MSH4: variants seen among roughly 807,000 people sequenced by gnomAD.
MSH4 encodes the protein mutS homolog 4.
MSH4 carries 106 observed loss-of-function variants against 113.7 expected under a neutral mutation model. That is an observed-to-expected ratio of 0.93 (90% CI 0.80 to 1.10). The LOEUF (loss-of-function observed/expected upper bound fraction) is 1.10. MSH4 is among the 50% of genes least tolerant of loss of function. The probability of loss-of-function intolerance (pLI) is 0.00; values close to 1 mark genes in which losing one functional copy is unlikely to be tolerated. For missense variants in MSH4, 1,061 were observed against 1,093.7 expected (o/e 0.97, Z 0.42); for synonymous variants, 368 against 380.2 (o/e 0.97, Z 0.37).
chr1:75,815,036 A>G lies in MSH4; in HGVS notation c.715A>G (p.Thr239Ala), dbSNP rs371232695. 6.3e-6 allele frequency: 10 copies of G among 1,584,622 alleles called. No homozygotes were observed. Among genetic ancestry groups the G allele is most frequent in the African/African-American group, 5.4e-5 (4 of 74,046 alleles). ...TTCTTTTCAGAATGTTAATTTCACT[A>G]CTATCCAAAGGAAATACTTCAATGA... ...TENFKNVNFT[T>A]IQRKYFNETK... Residue 239 changes from threonine to alanine, a missense_variant, in exon 5 of 20, where the codon ACT (threonine) becomes GCT (alanine). Thr to Ala is a moderately conservative substitution (Grantham distance 58). Transcript: ENST00000263187.
chr1:75,905,300 C>T (rs1652600398), intron 19 of MSH4, among the ~76,000 whole-genome samples: 2 of 148,698 alleles, frequency 1.3e-5, no homozygotes, highest in Non-Finnish European at 3.0e-5. Flanking sequence ...CGTTATTGAC[C>T]CATTGATTGT....
In MSH4 at chr1:75,889,292, A is replaced by G. The variant is rs1344893027; in HGVS notation, c.2149A>G (p.Lys717Glu). The change falls in exon 16 of 20, where the codon AAA becomes GAA. Residue 717 changes from lysine (K) to glutamate (E), a missense_variant. Transcript: ENST00000263187. Reference protein sequence around the residue: ...PAEYSSFRIAKQIFTRISTDD... With the variant: ...PAEYSSFRIAEQIFTRISTDD... Reference sequence around the variant, plus strand: ...AGAATATTCTTCCTTTAGAATTGCTAAACAGATTTTTACAAGAATTAGTAC... The same window carrying G: ...AGAATATTCTTCCTTTAGAATTGCTGAACAGATTTTTACAAGAATTAGTAC... 1.3e-6 allele frequency: 2 copies of G among 1,537,364 alleles called. No individual in the cohort carries two copies. The highest frequency in any genetic ancestry group is 1.2e-5 in the South Asian group (1 of 85,358).
chr1:75,822,494 C>T lies in MSH4; in HGVS notation c.1075C>T (p.Leu359=). 1.3e-6 allele frequency: 2 copies of T among 1,583,116 alleles called. No individual in the cohort carries two copies. Among genetic ancestry groups the T allele is most frequent in the Non-Finnish European group, 8.6e-7 (1 of 1,165,582 alleles). The change falls in exon 7 of 20, where the codon CTA becomes TTA. Residue 359 remains leucine, a synonymous_variant. Coordinates refer to ENST00000263187, the MANE Select transcript of MSH4 (RefSeq NM_002440.4). ...RRLRSNILEP[L]VDIETINMRL... ...ACTTCGTTCTAATATATTAGAGCCTCTAGTTGATATTGAAACCATTAACAT... is the reference window on the plus strand; with the variant it reads ...ACTTCGTTCTAATATATTAGAGCCTTTAGTTGATATTGAAACCATTAACAT...
chr1:75,867,786 A>G (rs1425413875), intron 9 of MSH4, among the ~76,000 whole-genome samples, 198 bp downstream of exon 9: 1 of 152,114 alleles, frequency 6.6e-6, no homozygotes, highest in East Asian at 1.9e-4. Flanking sequence ...AATAAATTGC[A>G]GCACCTAAGT....
At chr1:75,909,528 T>A (rs1340705505) in intron 19 of MSH4, among the ~76,000 whole-genome samples, 1 of 151,724 alleles carries the variant, frequency 6.6e-6, no homozygotes, top group Non-Finnish European at 1.5e-5. Context: ...AACGTGCAGG[T>A]TTGTTACATA....
chr1:75,825,643 T>C (rs1340208691), intron 7 of MSH4, among the ~76,000 whole-genome samples: 2 of 152,210 alleles, frequency 1.3e-5, no homozygotes, highest in South Asian at 2.1e-4. Context: ...GTTCCATCAA[T>C]ACCTAGTTTA....
At chr1:75,858,814 T>C (rs1651383016) in intron 8 of MSH4, among the ~76,000 whole-genome samples, 1 of 152,226 alleles carries the variant, frequency 6.6e-6, no homozygotes. Context: ...TCTTTTTCTA[T>C]TGATCGGAAT....
Position 75,834,863 on chromosome 1 carries a change from G to A in MSH4, c.1162+12282G>A, listed in dbSNP as rs146464004. Among the ~76,000 whole-genome samples the A allele has an allele frequency of 6.2e-3, 949 of 152,272 alleles. 9 individuals carry two copies. Among genetic ancestry groups the A allele is most frequent in the African/African-American group, 0.022 (900 of 41,548 alleles). The stretch of plus-strand genomic sequence containing the variant: ...GGTGCAGCACACCAACATGGCACAT[G>A]TATACATATGTAACAAACCTGCACG... On this transcript the variant is annotated intron_variant, in intron 7 of 19. Coordinates refer to ENST00000263187, the MANE Select transcript of MSH4 (RefSeq NM_002440.4).
intron 8 of MSH4, among the ~76,000 whole-genome samples, chr1:75,857,464 A>G (rs532696616): frequency 6.6e-6 from 1 of 152,268 alleles, no homozygotes; most frequent in East Asian, 1.9e-4. Context: ...TTATTTTTGT[A>G]TAAGGTGTAA....
intron 7 of MSH4, among the ~76,000 whole-genome samples, chr1:75,829,326 C>T (rs1406580109): frequency 2.0e-5 from 3 of 152,188 alleles, no homozygotes; most frequent in Non-Finnish European, 4.4e-5. Flanking sequence ...CTCAAGGAGG[C>T]CTGCCTTGCC....
intron 7 of MSH4, among the ~76,000 whole-genome samples, chr1:75,831,147 T>C (rs1041709470): frequency 1.3e-5 from 2 of 152,118 alleles, no homozygotes; most frequent in African/African-American, 4.8e-5. Flanking sequence ...TCCTAGTCTC[T>C]GATAAAACAG....
chr1:75,906,804 GT>G (rs1652667054), intron 19 of MSH4, among the ~76,000 whole-genome samples: 1 of 146,656 alleles, frequency 6.8e-6, no homozygotes, highest in Admixed American at 6.9e-5. Flanking sequence ...AAAGGTGTCT[GT>G]AGTTACTATT....
chr1:75,840,735 A>G (rs1310037274), intron 7 of MSH4, among the ~76,000 whole-genome samples: 1 of 151,994 alleles, frequency 6.6e-6, no homozygotes, highest in Non-Finnish European at 1.5e-5. Flanking sequence ...AAAACCCATT[A>G]CCTCCTTTAT....
rs747093118 is a variant in MSH4 at position 75,807,049 on chromosome 1, C to G, written c.496C>G (p.Leu166Val). The change falls in exon 3 of 20, where the codon CTT (leucine) becomes GTT (valine). Residue 166 changes from leucine (L) to valine (V), a missense_variant. Transcript: ENST00000263187. Reference sequence around the variant, plus strand: ...TGTAGCTGTTGTAGAAGGGAGAGGACTTGCCAGAGGTGAAATAGGAATGGC... The same window carrying G: ...TGTAGCTGTTGTAGAAGGGAGAGGAGTTGCCAGAGGTGAAATAGGAATGGC... ...VIVAVVEGRGLARGEIGMASI... is the reference protein window; with the variant it reads ...VIVAVVEGRGVARGEIGMASI... 1.5e-5 allele frequency: 24 copies of G among 1,590,274 alleles called. No individual in the cohort carries two copies. The South Asian group carries it at 2.3e-4, about 15-fold the overall frequency.
In MSH4 at chr1:75,824,909, T is replaced by G. The variant is rs1279846505; in HGVS notation, c.1162+2328T>G. ...AGCATAATACCTTCAGCTTTGTTTT[T>G]TTTTTTTTTTGCTTAGGATTGTTTT... On this transcript the variant is annotated intron_variant, in intron 7 of 19. Coordinates refer to ENST00000263187, the MANE Select transcript of MSH4 (RefSeq NM_002440.4). Among the ~76,000 whole-genome samples the G allele has an allele frequency of 5.9e-5, 9 of 151,660 alleles. 1 individual carries two copies. The East Asian group carries it at 1.7e-3, about 29-fold the overall frequency.
intron 15 of MSH4, among the ~76,000 whole-genome samples, chr1:75,888,648 C>T (rs11161836): frequency 0.19 from 28,828 of 151,108 alleles, 3,004 homozygotes; most frequent in Middle Eastern, 0.26. Flanking sequence ...AATAATTGCA[C>T]GCATTTAAGA....
chr1:75,885,459 A>ATG (rs1320896301), intron 15 of MSH4, among the ~76,000 whole-genome samples: 1 of 41,626 alleles, frequency 2.4e-5, no homozygotes, highest in Admixed American at 3.4e-4. Flanking sequence ...ATATATATAT[A>ATG]TGTATATATA....
At chr1:75,904,875 G>T (rs1302868625) in intron 19 of MSH4, among the ~76,000 whole-genome samples, 2 of 151,850 alleles carry the variant, frequency 1.3e-5, no homozygotes, top group African/African-American at 4.8e-5. Flanking sequence ...TTTCCAATTT[G>T]TTGGCATATA....
chr1:75,835,524 T>C (rs1177291432), intron 7 of MSH4, among the ~76,000 whole-genome samples: 1 of 152,198 alleles, frequency 6.6e-6, no homozygotes, highest in Non-Finnish European at 1.5e-5. Flanking sequence ...AAATATGCAT[T>C]TATACTTATC....
Sources: gnomAD v4.1 joint callset for allele counts (sites outside exome capture counted in the v4.1 genomes callset) on GRCh38, gnomAD v4.1.1 for gene constraint, MANE v1.5 for transcripts, NCBI Gene and HGNC (gene_info 2026-07-23, HGNC 2026-07-21) for gene names.